PLEKHH2: variants seen among roughly 807,000 people sequenced by gnomAD.
PLEKHH2 encodes pleckstrin homology, MyTH4 and FERM domain containing H2, also known as pleckstrin homology domain-containing family H member 2.
PLEKHH2 carries 129 observed loss-of-function variants against 187.9 expected under a neutral mutation model. The ratio of observed to expected loss-of-function variants is 0.69; its 90% CI spans 0.59 to 0.79. PLEKHH2 has a LOEUF of 0.79. Among genes scored for constraint, PLEKHH2 ranks in the 30% least tolerant of loss-of-function variants. PLEKHH2 has a pLI of 0.00. For missense variants in PLEKHH2, 2,076 were observed against 1,751.2 expected, an observed-to-expected ratio of 1.19 and a Z score of -3.31; for synonymous variants, 686 against 605.6, an observed-to-expected ratio of 1.13 and a Z score of -1.95.
chr2:43,686,956 A>G (rs1032881905), intron 3 of PLEKHH2, among the ~76,000 whole-genome samples: 5 of 135,674 alleles, frequency 3.7e-5, no homozygotes, highest in Non-Finnish European at 7.8e-5. Flanking sequence ...ATATCTGGCC[A>G]TGTCCCCCCT....
chr2:43,713,777 C>T (rs2104525811), intron 15 of PLEKHH2, among the ~76,000 whole-genome samples: 1 of 151,500 alleles, frequency 6.6e-6, no homozygotes, highest in Non-Finnish European at 1.5e-5. Context: ...CATAATCACT[C>T]CTCATTCATG....
chr2:43,643,437 T>G (rs986974950), intron 1 of PLEKHH2, among the ~76,000 whole-genome samples: 7 of 152,066 alleles, frequency 4.6e-5, no homozygotes, highest in Non-Finnish European at 7.4e-5. Context: ...TTGTCAGTAT[T>G]AATGTGAAAA....
chr2:43,717,983 T>C (rs556668000), intron 15 of PLEKHH2, among the ~76,000 whole-genome samples: 2 of 152,290 alleles, frequency 1.3e-5, no homozygotes, highest in Admixed American at 1.3e-4. Flanking sequence ...TGGAGAATGC[T>C]ACAGGGATGG....
In PLEKHH2 at chr2:43,697,486, C is replaced by G. The variant is rs1572574448; in HGVS notation, c.688+130C>G. The G allele has an allele frequency of 1.7e-5, 13 of 765,074 alleles. No homozygotes were observed. The East Asian group carries it at 3.7e-4, about 22-fold the overall frequency. The allele number at this position is 765,074 out of a possible 1,614,324, so 47.4% of individuals were successfully genotyped here. ...AATTTGATGTTTTATGAGAATGTTT[C>G]TAAAGAGCAATACAACATTTAACTT... is the stretch of plus-strand genomic sequence containing the variant. On this transcript the variant is annotated intron_variant, in intron 7 of 29. Transcript: ENST00000282406.
rs1408148289 is a variant in PLEKHH2 at position 43,679,041 on chromosome 2, T to G, written c.186+116T>G. On this transcript the variant is annotated intron_variant, in intron 3 of 29. Transcript: ENST00000282406. ...CCTCTACATCTTATCTTTTTGACTG[T>G]TCATAGCTTGATCCATAAAGAAAAT... 8.7e-6 allele frequency: 5 copies of G among 576,616 alleles called. No homozygotes were observed. In the African/African-American group the frequency reaches 9.5e-5, roughly 11 times the overall value. 35.7% of individuals were successfully genotyped at this position (576,616 alleles called of 1,614,324 possible).
intron 20 of PLEKHH2, among the ~76,000 whole-genome samples, chr2:43,739,263 C>T (rs766236868): frequency 1.3e-5 from 2 of 152,084 alleles, no homozygotes; most frequent in Non-Finnish European, 2.9e-5. Context: ...ATATCTTCAA[C>T]AACATTCAGT....
intron 25 of PLEKHH2, among the ~76,000 whole-genome samples, chr2:43,754,552 C>G (rs1269034198): frequency 6.6e-6 from 1 of 152,200 alleles, no homozygotes; most frequent in Non-Finnish European, 1.5e-5. Context: ...AATGTGGTCT[C>G]AGCGGGGTGG....
chr2:43,653,366 T>C (rs1240440186), intron 2 of PLEKHH2, among the ~76,000 whole-genome samples: 1 of 152,028 alleles, frequency 6.6e-6, no homozygotes, highest in East Asian at 1.9e-4. Flanking sequence ...CCACTAGAAA[T>C]TAGAGGATAA....
chr2:43,637,489 C>A (rs1703161735), intron 1 of PLEKHH2, 110 bp downstream of exon 1: 1 of 152,504 alleles, frequency 6.6e-6, no homozygotes, highest in South Asian at 2.1e-4. Flanking sequence ...AGGTTTGGGG[C>A]GCCGGGAGGA....
At chr2:43,668,582 C>T (rs1667337452) in intron 2 of PLEKHH2, among the ~76,000 whole-genome samples, 1 of 152,126 alleles carries the variant, frequency 6.6e-6, no homozygotes. Flanking sequence ...AAATGAACTT[C>T]TTGTGTATAT....
At chr2:43,675,536 C>A in intron 2 of PLEKHH2, 1 of 1,613,966 alleles carries the variant, frequency 6.2e-7, no homozygotes, top group Non-Finnish European at 8.5e-7. Flanking sequence ...CCTTCTACTA[C>A]TTGCTGAGGG....
At chr2:43,761,212 C>T (rs1046701968) in intron 27 of PLEKHH2, among the ~76,000 whole-genome samples, 2 of 152,000 alleles carry the variant, frequency 1.3e-5, no homozygotes, top group Non-Finnish European at 2.9e-5. Context: ...TATCTATAGT[C>T]TTGACATTGT....
intron 24 of PLEKHH2, among the ~76,000 whole-genome samples, chr2:43,750,580 C>A (rs1671970999): frequency 6.6e-6 from 1 of 152,064 alleles, no homozygotes; most frequent in African/African-American, 2.4e-5. Flanking sequence ...ATTTGTTGAA[C>A]ATTTACCTAA....
Position 43,724,481 on chromosome 2 carries a change from A to T in PLEKHH2, c.2542-1791A>T, listed in dbSNP as rs376337196. On this transcript the variant is annotated intron_variant, in intron 16 of 29. Transcript: ENST00000282406. ...TAAATTAGAGCAAAAGTTTTACAACAGATAGGCCAAATATTCAACACACCA... is the reference window on the plus strand; with the variant it reads ...TAAATTAGAGCAAAAGTTTTACAACTGATAGGCCAAATATTCAACACACCA... Among the ~76,000 whole-genome samples, 5 of 152,238 alleles carry T rather than the reference A, an allele frequency of 3.3e-5. No individual in the cohort carries two copies. In the East Asian group the frequency reaches 5.8e-4, roughly 18 times the overall value.
intron 16 of PLEKHH2, among the ~76,000 whole-genome samples, chr2:43,721,420 C>T (rs527246324): frequency 6.6e-6 from 1 of 152,258 alleles, no homozygotes; most frequent in Admixed American, 6.5e-5. Flanking sequence ...GTGACTGTTA[C>T]TGTGTTAATG....
In PLEKHH2 at chr2:43,697,364, T is replaced by G. The variant is rs766659728; in HGVS notation, c.688+8T>G. The stretch of plus-strand genomic sequence containing the variant: ...AAGGAAAAGACATGGAAGGTATTTA[T>G]GAACTACAGGAATTGACTTTGGCAT... On this transcript the variant is annotated splice_region_variant and intron_variant, in intron 7 of 29. Transcript: ENST00000282406. 6.2e-7 allele frequency: 1 copy of G among 1,600,330 alleles called. No individual in the cohort carries two copies. Among genetic ancestry groups the G allele is most frequent in the African/African-American group, 1.3e-5 (1 of 74,478 alleles).
At position 43,738,329 on chromosome 2, in the gene PLEKHH2, T is replaced by G. The variant is rs749637726; in HGVS notation, c.2944-12T>G. The G allele has an allele frequency of 4.4e-6, 7 of 1,590,000 alleles. No homozygotes were observed. The African/African-American group carries it at 6.7e-5, about 15-fold the overall frequency. On this transcript the variant is annotated splice_polypyrimidine_tract_variant and intron_variant, in intron 19 of 29. Coordinates refer to ENST00000282406, the MANE Select transcript of PLEKHH2 (RefSeq NM_172069.4). Reference sequence around the variant, plus strand: ...TCCTCACCTTGAATATATCTTTTTTTGTTTAATTCAGACCTGCCAGCTTTT... The same window carrying G: ...TCCTCACCTTGAATATATCTTTTTTGGTTTAATTCAGACCTGCCAGCTTTT...
intron 20 of PLEKHH2, among the ~76,000 whole-genome samples, chr2:43,740,421 T>C (rs1671510081): frequency 6.6e-6 from 1 of 152,172 alleles, no homozygotes; most frequent in South Asian, 2.1e-4. Flanking sequence ...GAAAGGAGAA[T>C]ACAGAACAGA....
At chr2:43,710,430 A>C in intron 13 of PLEKHH2, 59 bp from the exon 14 acceptor site, 2 of 1,583,638 alleles carry the variant, frequency 1.3e-6, no homozygotes, top group Non-Finnish European at 1.7e-6. Context: ...GATACAAAGC[A>C]TTCCTTATTA....
Sources: allele counts gnomAD v4.1 joint callset (sites outside exome capture counted in the v4.1 genomes callset), GRCh38; gene constraint gnomAD v4.1.1; transcripts MANE v1.5; gene names NCBI Gene and HGNC (gene_info 2026-07-23, HGNC 2026-07-21).